ST3GAL6: variants seen among roughly 807,000 people sequenced by gnomAD.
The protein encoded by ST3GAL6 is ST3 beta-galactoside alpha-2,3-sialyltransferase 6.
A neutral mutation model predicts 40.5 loss-of-function variants in ST3GAL6; 31 were observed. That is an observed-to-expected ratio of 0.77 (90% CI 0.58 to 1.03). The LOEUF (loss-of-function observed/expected upper bound fraction) is 1.03, where lower values mean the gene tolerates loss of function less well. Among genes scored for constraint, ST3GAL6 ranks in the 50% least tolerant of loss-of-function variants. The pLI, the probability that ST3GAL6 is intolerant of heterozygous loss-of-function variation, is 0.00. For missense variants in ST3GAL6, 357 were observed against 393.2 expected, an observed-to-expected ratio of 0.91 and a Z score of 0.78; for synonymous variants, 129 against 136.9, an observed-to-expected ratio of 0.94 and a Z score of 0.40.
intron 6 of ST3GAL6, among the ~76,000 whole-genome samples, chr3:98,786,106 T>C (rs1940677462): frequency 6.6e-6 from 1 of 152,048 alleles, no homozygotes; most frequent in East Asian, 1.9e-4. Context: ...TTGAGATGCT[T>C]GTTAGATTTG....
chr3:98,752,432 T>C (rs574410443), intron 1 of ST3GAL6, among the ~76,000 whole-genome samples: 2 of 151,956 alleles, frequency 1.3e-5, no homozygotes, highest in African/African-American at 4.8e-5. Context: ...CTGATCTTTT[T>C]ATAAAATATA....
intron 6 of ST3GAL6, among the ~76,000 whole-genome samples, chr3:98,785,510 T>C (rs533570852): frequency 2.4e-4 from 37 of 152,214 alleles, no homozygotes; most frequent in African/African-American, 8.2e-4. Flanking sequence ...GCAGAAAGGA[T>C]GTTTGCTGCA....
At chr3:98,750,967 A>C (rs1196624577) in intron 1 of ST3GAL6, among the ~76,000 whole-genome samples, 1 of 151,912 alleles carries the variant, frequency 6.6e-6, no homozygotes, top group East Asian at 1.9e-4. Context: ...AAGCTTCCCC[A>C]GGTGTAACTA....
At chr3:98,791,819 T>C (rs1576138273) in intron 8 of ST3GAL6, 22 bp from the exon 9 acceptor site, 2 of 1,590,678 alleles carry the variant, frequency 1.3e-6, no homozygotes, top group Non-Finnish European at 1.7e-6. Context: ...CTTAAAAAAG[T>C]TTTTTTCATC....
intron 1 of ST3GAL6, chr3:98,732,966 G>C: frequency 1.3e-6 from 2 of 1,502,780 alleles, no homozygotes; most frequent in Non-Finnish European, 1.8e-6. Context: ...GGGCCTCGGC[G>C]GGTCACTCTT....
intron 1 of ST3GAL6, among the ~76,000 whole-genome samples, chr3:98,747,657 T>G (rs753033388): frequency 4.3e-4 from 66 of 152,280 alleles, no homozygotes; most frequent in Middle Eastern, 3.4e-3. Context: ...GAATAGAGCA[T>G]TTAAAAAGAA....
intron 6 of ST3GAL6, 109 bp from the exon 7 acceptor site, chr3:98,787,927 A>G (rs1298033319): frequency 4.5e-6 from 4 of 895,424 alleles, no homozygotes; most frequent in Non-Finnish European, 6.7e-6. Flanking sequence ...GCTTCAGAGC[A>G]CAGGATAAAA....
chr3:98,763,273 A>G (rs953664146), upstream of ST3GAL6: 76 of 1,275,306 alleles, frequency 6.0e-5, 1 homozygote, highest in South Asian at 1.9e-4. Flanking sequence ...AGTAATAAGT[A>G]CAAAGAGGAA....
At chr3:98,733,238 G>A in intron 1 of ST3GAL6, 2 of 974,026 alleles carry the variant, frequency 2.1e-6, no homozygotes, top group South Asian at 9.5e-5. Flanking sequence ...GCCGGCGTGC[G>A]CCGCAGCCAC....
In ST3GAL6 at chr3:98,791,474, C is replaced by T. The variant is rs148371833; in HGVS notation, c.757-367C>T. Among the ~76,000 whole-genome samples the T allele has an allele frequency of 3.3e-3, 501 of 152,262 alleles. 4 individuals are homozygous for T. Among genetic ancestry groups the T allele is most frequent in the Non-Finnish European group, 4.8e-3 (329 of 68,010 alleles). ...ATTTCATACACGTGTTCAAAATTCC[C>T]AGGCTTTGCTTTTGCCATAAGGAGC... On this transcript the variant is annotated intron_variant, in intron 8 of 9. Coordinates refer to ENST00000483910, the MANE Select transcript of ST3GAL6 (RefSeq NM_001323368.2).
upstream of ST3GAL6, chr3:98,763,282 A>G (rs1937978457): frequency 1.6e-6 from 2 of 1,280,496 alleles, no homozygotes; most frequent in Non-Finnish European, 1.0e-6. Context: ...TACAAAGAGG[A>G]AGGAAGGCAG....
intron 1 of ST3GAL6, among the ~76,000 whole-genome samples, chr3:98,755,290 C>T (rs1937336186): frequency 1.3e-5 from 2 of 152,292 alleles, no homozygotes; most frequent in South Asian, 4.1e-4. Flanking sequence ...TCGTGATCCA[C>T]CTGCCTCAGC....
intron 5 of ST3GAL6, among the ~76,000 whole-genome samples, chr3:98,778,348 AG>A (rs1939746827): frequency 6.6e-6 from 1 of 152,240 alleles, no homozygotes; most frequent in African/African-American, 2.4e-5. Flanking sequence ...AACTTAAAAA[AG>A]AATTAGACAT....
At position 98,785,040 on chromosome 3, in the gene ST3GAL6, G is replaced by T; in HGVS notation, c.431G>T (p.Arg144Ile). 1.3e-6 allele frequency: 2 copies of T among 1,578,582 alleles called. No individual in the cohort carries two copies. The highest frequency in any genetic ancestry group is 1.1e-5 in the South Asian group (1 of 90,208). ...EKIDSYDVII[R>I]MNNGPVLGHE... is the part of the protein sequence containing the mutation. ...ATCGACTCCTATGATGTAATAATAA[G>T]GTAAATATATTTTCTATTTGCTACC... Residue 144 changes from arginine to isoleucine, a missense_variant and splice_region_variant, in exon 6 of 10, where the codon AGA (arginine) becomes ATA (isoleucine). Arg to Ile is a moderately conservative substitution (Grantham distance 97, BLOSUM62 -3). Transcript: ENST00000483910.
At chr3:98,782,521 T>A in intron 5 of ST3GAL6, 1 of 588,092 alleles carries the variant, frequency 1.7e-6, no homozygotes, top group South Asian at 2.0e-5. Context: ...CCCCAGGAGG[T>A]CCTGCACGTA....
rs1418166455 is a variant in ST3GAL6, at chr3:98,788,417, C to A, written c.710C>A (p.Ala237Glu). 1 of 1,613,234 alleles carries A rather than the reference C, an allele frequency of 6.2e-7. No homozygotes were observed. Among genetic ancestry groups the A allele is most frequent in the African/African-American group, 1.3e-5 (1 of 74,998 alleles). The change falls in exon 8 of 10, where the codon GCA (alanine) becomes GAA (glutamate). Residue 237 changes from alanine (A) to glutamate (E), a missense_variant. Ala to Glu is a moderately radical substitution (Grantham distance 107, BLOSUM62 -1). Transcript: ENST00000483910. Reference protein sequence around the residue: ...RILDPFIIRTAAYELLHFPKV... With the variant: ...RILDPFIIRTEAYELLHFPKV... ...TTAGATCCTTTCATTATCAGAACAG[C>A]AGCTTATGAACTGCTTCATTTTCCA...
intron 1 of ST3GAL6, among the ~76,000 whole-genome samples, chr3:98,736,637 A>G (rs1935567405): frequency 6.6e-6 from 1 of 152,162 alleles, no homozygotes; most frequent in South Asian, 2.1e-4. Flanking sequence ...CATCCATGAG[A>G]TGGGACTTCC....
Position 98,769,675 on chromosome 3 carries a change from G to T in ST3GAL6, c.89+1146G>T, listed in dbSNP as rs752360881. 3.9e-5 allele frequency among the ~76,000 whole-genome samples: 6 copies of T among 152,320 alleles called. No individual in the cohort carries two copies. The East Asian group carries it at 1.2e-3, about 29-fold the overall frequency. On this transcript the variant is annotated intron_variant, in intron 2 of 9. Coordinates refer to ENST00000483910, the MANE Select transcript of ST3GAL6 (RefSeq NM_001323368.2). ...ACTCCTCAGCTAACACATTACTATA[G>T]TCACAGCAAGTACCTTGGGATATTA...
rs1029793827 is a variant in ST3GAL6 at position 98,784,938 on chromosome 3, C to T, written c.336-7C>T. ...CTCAATCTCTCACTTGTCCATCTGT[C>T]CAACAGCATACCCTGTAAAAAGTGT... On this transcript the variant is annotated splice_region_variant and splice_polypyrimidine_tract_variant and intron_variant, in intron 5 of 9. Transcript: ENST00000483910. 6.2e-7 allele frequency: 1 copy of T among 1,609,730 alleles called. No homozygotes were observed. The highest frequency in any genetic ancestry group is 8.5e-7 in the Non-Finnish European group (1 of 1,176,496).
Sources: gnomAD v4.1 joint callset for allele counts (sites outside exome capture counted in the v4.1 genomes callset) on GRCh38, gnomAD v4.1.1 for gene constraint, MANE v1.5 for transcripts, NCBI Gene and HGNC (gene_info 2026-07-23, HGNC 2026-07-21) for gene names.